The following TMTC2 variants were observed in gnomAD, a reference collection of about 807,000 sequenced individuals.
TMTC2 encodes the protein protein O-mannosyl-transferase TMTC2.
A neutral mutation model predicts 82.4 loss-of-function variants in TMTC2; 43 were observed. The observed-to-expected ratio is 0.52, with a 90% CI of 0.41 to 0.67. TMTC2 has a LOEUF of 0.67. Ranked by LOEUF, TMTC2 falls within the 30% of genes least tolerant of loss-of-function variation. The pLI, the probability that TMTC2 is intolerant of heterozygous loss-of-function variation, is 0.00. For missense variants in TMTC2, 919 were observed against 1,012.4 expected, an observed-to-expected ratio of 0.91 and a Z score of 1.25; for synonymous variants, 408 against 381.9, an observed-to-expected ratio of 1.07 and a Z score of -0.80.
At chr12:82,961,232 T>C (rs1427462158) in intron 4 of TMTC2, among the ~76,000 whole-genome samples, 2 of 127,104 alleles carry the variant, frequency 1.6e-5, no homozygotes, top group African/African-American at 5.5e-5. Flanking sequence ...TTATTATTAT[T>C]GTAACTATTG....
At chr12:82,764,713 G>A (rs1483968736) in intron 1 of TMTC2, among the ~76,000 whole-genome samples, 5 of 152,088 alleles carry the variant, frequency 3.3e-5, no homozygotes, top group Admixed American at 6.6e-5. Context: ...GCCTTTCTCC[G>A]AAGATGATTT....
chr12:82,751,076 T>A (rs1875971440), intron 1 of TMTC2, among the ~76,000 whole-genome samples: 1 of 152,176 alleles, frequency 6.6e-6, no homozygotes, highest in African/African-American at 2.4e-5. Flanking sequence ...GGCAGAATGA[T>A]GTGTTAAACT....
chr12:82,846,926 C>T (rs1042971923), intron 1 of TMTC2, among the ~76,000 whole-genome samples: 7 of 152,022 alleles, frequency 4.6e-5, no homozygotes, highest in Non-Finnish European at 8.8e-5. Context: ...TAATGATAAA[C>T]GCTTGTCCAA....
At chr12:83,015,174 T>G (rs1403358797) in intron 8 of TMTC2, among the ~76,000 whole-genome samples, 2 of 152,190 alleles carry the variant, frequency 1.3e-5, no homozygotes, top group African/African-American at 4.8e-5. Flanking sequence ...CCTCAACTCT[T>G]CCAAGCTCCA....
In TMTC2 at chr12:82,852,173, C is replaced by T. The variant is rs188715381; in HGVS notation, c.84-4837C>T. On this transcript the variant is annotated intron_variant, in intron 1 of 11. Coordinates refer to ENST00000321196, the MANE Select transcript of TMTC2 (RefSeq NM_152588.3). ...CTGGAGTGCAGTGGTGGGATCTCAG[C>T]TCAGTGCAAGCTCCGCCTCCCGGGT... 8.0e-5 allele frequency among the ~76,000 whole-genome samples: 12 copies of T among 150,384 alleles called. No homozygotes were observed. In the East Asian group the frequency reaches 2.3e-3, roughly 29 times the overall value.
intron 3 of TMTC2, among the ~76,000 whole-genome samples, chr12:82,909,332 A>G (rs1201795986): frequency 1.3e-5 from 2 of 151,922 alleles, no homozygotes; most frequent in Non-Finnish European, 2.9e-5. Flanking sequence ...TCCTGCATTC[A>G]TGAAGGTTTT....
chr12:83,001,743 A>G (rs1157034575), intron 8 of TMTC2, among the ~76,000 whole-genome samples: 2 of 66,564 alleles, frequency 3.0e-5, no homozygotes, highest in Non-Finnish European at 8.1e-5. Context: ...CAAGGGCAAA[A>G]TACCATCAGT....
intron 7 of TMTC2, among the ~76,000 whole-genome samples, chr12:82,976,055 G>C (rs544742433): frequency 1.3e-5 from 2 of 151,966 alleles, no homozygotes; most frequent in Non-Finnish European, 2.9e-5. Context: ...CAACATACTC[G>C]TGAATATGCA....
intron 2 of TMTC2, among the ~76,000 whole-genome samples, chr12:82,865,951 C>A (rs1871827356): frequency 6.6e-6 from 1 of 152,126 alleles, no homozygotes; most frequent in Non-Finnish European, 1.5e-5. Context: ...TAAAGATGTT[C>A]TTTGAAACCA....
chr12:83,128,218 C>T (rs1202373178), intron 11 of TMTC2, among the ~76,000 whole-genome samples: 1 of 152,130 alleles, frequency 6.6e-6, no homozygotes, highest in Admixed American at 6.5e-5. Flanking sequence ...TGAGCTACAG[C>T]TGGCAGAGAG....
chr12:82,791,947 A>G (rs1479132404), intron 1 of TMTC2, among the ~76,000 whole-genome samples: 2 of 152,112 alleles, frequency 1.3e-5, no homozygotes, highest in African/African-American at 2.4e-5. Flanking sequence ...TAAGCTTCTT[A>G]TCATTCTCAG....
At position 82,687,455 on chromosome 12, in the gene TMTC2, G is replaced by T. The variant is rs1408271307; in HGVS notation, c.-132G>T. On this transcript the variant is annotated 5_prime_UTR_variant, in exon 1 of 12. Coordinates refer to ENST00000321196, the MANE Select transcript of TMTC2 (RefSeq NM_152588.3). ...GTGGATTGGAAGGACCCGAGGGAGG[G>T]AGGGTGGGGAAGCGAGGGAAAAGTG... The T allele has an allele frequency of 2.5e-6, 2 of 799,090 alleles. No homozygotes were observed. Among genetic ancestry groups the T allele is most frequent in the African/African-American group, 1.7e-5 (1 of 58,722 alleles). The allele number at this position is 799,090 out of a possible 1,614,324, so 49.5% of individuals were successfully genotyped here. A position where few individuals can be genotyped will look rare whatever the true frequency, so the allele number is the denominator to read the frequency against.
intron 1 of TMTC2, among the ~76,000 whole-genome samples, chr12:82,815,396 T>C (rs959459678): frequency 1.3e-5 from 2 of 151,554 alleles, no homozygotes; most frequent in Non-Finnish European, 2.9e-5. Flanking sequence ...CTGCAAGCTC[T>C]GCCTCCCGAG....
intron 1 of TMTC2, among the ~76,000 whole-genome samples, chr12:82,779,216 G>A (rs1877768379): frequency 6.6e-6 from 1 of 152,010 alleles, no homozygotes; most frequent in South Asian, 2.1e-4. Flanking sequence ...TTGAGCGTGT[G>A]CTAGGTGATG....
chr12:82,955,048 ATGTAT>A (rs538202520), intron 4 of TMTC2, among the ~76,000 whole-genome samples: 108 of 152,298 alleles, frequency 7.1e-4, no homozygotes, highest in Admixed American at 9.8e-4. Context: ...TTCTGAAGAA[ATGTAT>A]TGTAGTTAGT....
intron 2 of TMTC2, among the ~76,000 whole-genome samples, chr12:82,887,399 A>G (rs1592602472): frequency 6.6e-6 from 1 of 152,314 alleles, no homozygotes; most frequent in African/African-American, 2.4e-5. Context: ...CCCCCATAGA[A>G]GGGAATAATT....
chr12:83,004,732 T>C (rs1159341670), intron 8 of TMTC2, among the ~76,000 whole-genome samples: 1 of 45,032 alleles, frequency 2.2e-5, no homozygotes, highest in South Asian at 7.1e-4. Flanking sequence ...ATTTTTTTTT[T>C]TTTTTTTTTT....
chr12:83,014,968 G>GTA (rs1880611408), intron 8 of TMTC2, among the ~76,000 whole-genome samples: 1 of 151,992 alleles, frequency 6.6e-6, no homozygotes, highest in African/African-American at 2.4e-5. Flanking sequence ...TTGAATTTCT[G>GTA]GAGATTTTAA....
chr12:83,082,753 G>A (rs779969216), intron 11 of TMTC2, among the ~76,000 whole-genome samples: 4 of 152,192 alleles, frequency 2.6e-5, no homozygotes, highest in Admixed American at 1.3e-4. Context: ...CAAAGAAACT[G>A]GGTTTTTGGG....
Sources: gnomAD v4.1 joint callset for allele counts (sites outside exome capture counted in the v4.1 genomes callset) on GRCh38, gnomAD v4.1.1 for gene constraint, MANE v1.5 for transcripts, NCBI Gene and HGNC (gene_info 2026-07-23, HGNC 2026-07-21) for gene names.